MARK4: variants seen among roughly 807,000 people sequenced by gnomAD.
MARK4 encodes microtubule affinity regulating kinase 4.
Under a neutral mutation model 81.5 loss-of-function variants are expected in MARK4, and 19 were observed. The observed-to-expected ratio is 0.23, with a 90% CI of 0.16 to 0.34. MARK4 has a LOEUF of 0.34. Among genes scored for constraint, MARK4 ranks in the 10% least tolerant of loss-of-function variants. The pLI, the probability that MARK4 is intolerant of heterozygous loss-of-function variation, is 1.00. For synonymous variants in MARK4, 436 were observed against 439.0 expected (o/e 0.99, Z 0.08); for missense variants, 772 against 1,058.8 (o/e 0.73, Z 3.76).
chr19:45,271,321 A>T lies in MARK4; in HGVS notation c.550-151A>T. The T allele has an allele frequency of 1.4e-6, 1 of 707,738 alleles. No individual in the cohort carries two copies. The highest frequency in any genetic ancestry group is 2.4e-6 in the Non-Finnish European group (1 of 408,392). 43.8% of individuals were successfully genotyped at this position (707,738 alleles called of 1,614,324 possible). ...AACTGAGGCTCAGTGAGGTAAAGTT[A>T]CTACCTAAGGTCAGGTAGAGAGTAA... On this transcript the variant is annotated intron_variant, in intron 7 of 16. Coordinates refer to ENST00000262891, the MANE Select transcript of MARK4 (RefSeq NM_001199867.2). This position sits in a 1 kb window ranked among gnomAD's most constrained non-coding sequence, Gnocchi z 4.1.
At chr19:45,261,885 A>G (rs921037655) in intron 2 of MARK4, among the ~76,000 whole-genome samples, 7 of 151,198 alleles carry the variant, frequency 4.6e-5, no homozygotes, top group Non-Finnish European at 7.4e-5. Flanking sequence ...GTGAGCCAAG[A>G]TTGCGCCATT....
chr19:45,279,601 C>T (rs948161568), intron 10 of MARK4, among the ~76,000 whole-genome samples: 1 of 152,122 alleles, frequency 6.6e-6, no homozygotes, highest in Admixed American at 6.6e-5. Flanking sequence ...GTAGGTTGAA[C>T]ACAACAAAAA....
intron 1 of MARK4, among the ~76,000 whole-genome samples, chr19:45,256,384 G>A (rs180716989): frequency 6.6e-6 from 1 of 152,330 alleles, no homozygotes; most frequent in East Asian, 1.9e-4. Context: ...GTTGCAGTGA[G>A]CCAGACTGGG....
At chr19:45,263,397 C>T (rs1378782957) in intron 4 of MARK4, 30 bp downstream of exon 4, 3 of 1,613,922 alleles carry the variant, frequency 1.9e-6, no homozygotes, top group Admixed American at 1.7e-5. Context: ...AGGGGCAGGC[C>T]ACCAACTGGA....
intron 12 of MARK4, among the ~76,000 whole-genome samples, chr19:45,284,630 C>T (rs1334343012): frequency 6.6e-6 from 1 of 152,060 alleles, no homozygotes; most frequent in East Asian, 1.9e-4. Flanking sequence ...GCCTGGCCCG[C>T]TCCTAGATTT....
At chr19:45,284,365 C>T (rs113328656) in intron 12 of MARK4, among the ~76,000 whole-genome samples, 3 of 151,416 alleles carry the variant, frequency 2.0e-5, no homozygotes, top group African/African-American at 4.8e-5. Flanking sequence ...CTCCGTTGCC[C>T]AAGCTGGAGT....
chr19:45,281,789 G>A (rs1056701469), intron 12 of MARK4, among the ~76,000 whole-genome samples: 3 of 152,216 alleles, frequency 2.0e-5, no homozygotes, highest in African/African-American at 7.2e-5. Context: ...GTTGTACAAA[G>A]TGGCTGCTGA....
At chr19:45,273,397 G>A (rs1213435868) in intron 8 of MARK4, among the ~76,000 whole-genome samples, 3 of 152,136 alleles carry the variant, frequency 2.0e-5, no homozygotes, top group Non-Finnish European at 4.4e-5. Context: ...GACCAGGGGC[G>A]TTTTCCTGTT....
chr19:45,269,030 C>T (rs1970491635), intron 7 of MARK4, among the ~76,000 whole-genome samples: 1 of 152,108 alleles, frequency 6.6e-6, no homozygotes, highest in Admixed American at 6.6e-5. Flanking sequence ...CCAAGGGGAC[C>T]AACCCATGTG....
intron 10 of MARK4, 200 bp from the exon 11 acceptor site, chr19:45,280,173 AC>A (rs1315162679): frequency 1.9e-6 from 1 of 536,394 alleles, no homozygotes; most frequent in Admixed American, 3.1e-5. Context: ...ACATAGCAAA[AC>A]CCTGTCTCTA....
In MARK4 at chr19:45,264,536, A is replaced by G. The variant is rs1452551066; in HGVS notation, c.356-148A>G. On this transcript the variant is annotated intron_variant, in intron 4 of 16. Transcript: ENST00000262891. ...GAAAGGGTGGTAGAGGGGGCTGAGG[A>G]GTTTGGAAAATCTTGCTGTCAGTAG... The G allele has an allele frequency of 6.9e-6, 5 of 721,174 alleles. No individual in the cohort carries two copies. In the East Asian group the frequency reaches 7.6e-5, roughly 11 times the overall value. The allele number at this position is 721,174 out of a possible 1,614,324, so 44.7% of individuals were successfully genotyped here.
intron 7 of MARK4, among the ~76,000 whole-genome samples, chr19:45,266,933 C>T (rs1432150037): frequency 1.3e-5 from 2 of 151,982 alleles, no homozygotes; most frequent in Admixed American, 1.3e-4. Context: ...GGGGTTTCAC[C>T]GTGTTAGCCA....
intron 2 of MARK4, among the ~76,000 whole-genome samples, chr19:45,261,892 C>A (rs1970385341): frequency 6.6e-6 from 1 of 150,978 alleles, no homozygotes; most frequent in South Asian, 2.1e-4. Context: ...AAGATTGCGC[C>A]ATTGCACTCC....
chr19:45,286,346 G>T (rs368298604), intron 12 of MARK4, among the ~76,000 whole-genome samples: 3 of 151,072 alleles, frequency 2.0e-5, no homozygotes, highest in Admixed American at 2.0e-4. Flanking sequence ...GAGCCACCGC[G>T]CCTGGCCCTG....
chr19:45,289,058 T>G (rs971093673), intron 13 of MARK4, among the ~76,000 whole-genome samples: 3 of 151,872 alleles, frequency 2.0e-5, no homozygotes, highest in African/African-American at 7.3e-5. Context: ...TGCACACAGG[T>G]GTGAGTCTGA....
In MARK4 at chr19:45,303,634, C is replaced by T. The variant is rs1489113860; in HGVS notation, c.*924C>T. ...CACCATGTTACACTGGACTCTAAGC[C>T]ACTTCTTACTCCAGTAGTAAATTTA... On this transcript the variant is annotated 3_prime_UTR_variant, in exon 17 of 17. Transcript: ENST00000262891. The T allele has an allele frequency of 2.0e-5, 3 of 152,190 alleles. No homozygotes were observed. The highest frequency in any genetic ancestry group is 4.4e-5 in the Non-Finnish European group (3 of 68,060). 9.4% of individuals were successfully genotyped at this position (152,190 alleles called of 1,614,324 possible). A position where few individuals can be genotyped will look rare whatever the true frequency, so the allele number is the denominator to read the frequency against.
chr19:45,254,050 C>T (rs1019688395), intron 1 of MARK4, among the ~76,000 whole-genome samples: 1 of 152,142 alleles, frequency 6.6e-6, no homozygotes, highest in African/African-American at 2.4e-5. Flanking sequence ...CACTTGCCTG[C>T]CTCTGGAATG....
chr19:45,287,443 C>T lies in MARK4; in HGVS notation c.1277-4C>T, dbSNP rs1970757728. On this transcript the variant is annotated splice_region_variant and splice_polypyrimidine_tract_variant and intron_variant, in intron 12 of 16. Coordinates refer to ENST00000262891, the MANE Select transcript of MARK4 (RefSeq NM_001199867.2). ...CCAGCTCTAAACGGTACCCCCTCCC[C>T]CAGGTGGCCCATCCCCTGCACCCCT... is the stretch of plus-strand genomic sequence containing the variant. The T allele has an allele frequency of 2.1e-6, 3 of 1,426,652 alleles. No individual in the cohort carries two copies. The highest frequency in any genetic ancestry group is 1.4e-5 in the African/African-American group (1 of 69,610). The allele number at this position is 1,426,652 out of a possible 1,614,324, so 88.4% of individuals were successfully genotyped here. A position where few individuals can be genotyped will look rare whatever the true frequency, so the allele number is the denominator to read the frequency against.
At chr19:45,263,062 A>G in intron 2 of MARK4, 51 bp from the exon 3 acceptor site, 2 of 1,568,708 alleles carry the variant, frequency 1.3e-6, no homozygotes, top group Non-Finnish European at 8.7e-7. Context: ...CACCATATCC[A>G]GTGGGGCTTG....
Sources: gnomAD v4.1 joint callset for allele counts (sites outside exome capture counted in the v4.1 genomes callset) on GRCh38, gnomAD v4.1.1 for gene constraint, Gnocchi (gnomAD v3.1) non-coding constraint, MANE v1.5 for transcripts, NCBI Gene and HGNC (gene_info 2026-07-23, HGNC 2026-07-21) for gene names.